Variants in NAA11 observed in about 807,000 individuals in gnomAD.
The protein encoded by NAA11 is N-alpha-acetyltransferase 11, NatA catalytic subunit, also known as N-alpha-acetyltransferase 11.
Under a neutral mutation model 16.1 loss-of-function variants are expected in NAA11, and 15 were observed. The observed-to-expected ratio is 0.93, with a 90% CI of 0.62 to 1.44. The LOEUF is 1.44. Ranked by LOEUF, NAA11 falls within the 40% of genes most tolerant of loss-of-function variation. The pLI is 0.00. For synonymous variants in NAA11, 122 were observed against 112.4 expected, an observed-to-expected ratio of 1.09 and a Z score of -0.54; for missense variants, 298 against 291.3, an observed-to-expected ratio of 1.02 and a Z score of -0.17.
At chr4:79,285,349 C>T (rs557271972) in intron 2 of NAA11, among the ~76,000 whole-genome samples, 12 of 151,952 alleles carry the variant, frequency 7.9e-5, no homozygotes, top group African/African-American at 2.4e-4. Context: ...ATGGCTTTGC[C>T]TATTGTTTAT....
At chr4:79,262,896 A>G (rs1305857920) in intron 2 of NAA11, among the ~76,000 whole-genome samples, 1 of 152,200 alleles carries the variant, frequency 6.6e-6, no homozygotes, top group African/African-American at 2.4e-5. Context: ...AGTGAGTATT[A>G]TATATCTATC....
downstream of NAA11, among the ~76,000 whole-genome samples, chr4:79,224,708 T>C (rs1443829940): frequency 2.0e-5 from 3 of 152,040 alleles, no homozygotes; most frequent in Non-Finnish European, 4.4e-5. Context: ...GTCTGAGCAA[T>C]GTATATGATA....
the NAA11 span, among the ~76,000 whole-genome samples, chr4:79,180,498 A>G: frequency 4.6e-5 from 7 of 152,236 alleles, no homozygotes; most frequent in African/African-American, 7.2e-5. Flanking sequence ...ATCACTGGCC[A>G]TCAGAGAAAT....
intron 2 of NAA11, among the ~76,000 whole-genome samples, chr4:79,260,713 G>A (rs749756302): frequency 7.2e-5 from 11 of 152,298 alleles, no homozygotes; most frequent in Non-Finnish European, 1.2e-4. Context: ...AGCTGAAATC[G>A]TGATGATGAA....
chr4:79,255,389 T>A (rs2109970403), intron 2 of NAA11, among the ~76,000 whole-genome samples: 2 of 152,318 alleles, frequency 1.3e-5, no homozygotes, highest in Middle Eastern at 3.4e-3. Context: ...ACCAGTATTT[T>A]TATTAGTATT....
At chr4:79,260,421 A>C (rs1432412485) in intron 2 of NAA11, among the ~76,000 whole-genome samples, 1 of 152,212 alleles carries the variant, frequency 6.6e-6, no homozygotes, top group Admixed American at 6.5e-5. Flanking sequence ...CAGTTTCCAG[A>C]TTATCCAAAC....
chr4:79,247,693 G>C (rs181897722), intron 2 of NAA11, among the ~76,000 whole-genome samples: 4 of 152,272 alleles, frequency 2.6e-5, no homozygotes, highest in Admixed American at 1.3e-4. Flanking sequence ...CTGGGTTGAA[G>C]GGGGAGAAAG....
chr4:79,214,521 C>T, the NAA11 span, among the ~76,000 whole-genome samples: 3 of 152,114 alleles, frequency 2.0e-5, no homozygotes, highest in Non-Finnish European at 2.9e-5. Flanking sequence ...AGTTCAGGAT[C>T]GGGCTCCGTG....
chr4:79,238,852 T>G (rs1721629192), intron 2 of NAA11, among the ~76,000 whole-genome samples: 1 of 152,190 alleles, frequency 6.6e-6, no homozygotes, highest in Non-Finnish European at 1.5e-5. Context: ...CTCTTGTAGT[T>G]CTCTTGGTCA....
the NAA11 span, among the ~76,000 whole-genome samples, chr4:79,182,715 T>C: frequency 3.3e-5 from 5 of 152,112 alleles, no homozygotes; most frequent in African/African-American, 1.2e-4. Context: ...GAAAGAATAA[T>C]AAAATGCTTC....
At chr4:79,279,913 CAG>C (rs1389079711) in intron 2 of NAA11, among the ~76,000 whole-genome samples, 1 of 151,980 alleles carries the variant, frequency 6.6e-6, no homozygotes, top group African/African-American at 2.4e-5. Context: ...ACTTGAAGAA[CAG>C]AGCAGAAATA....
In NAA11 at chr4:79,325,214, A is replaced by G. The variant is rs377126580; in HGVS notation, c.664T>C (p.Ser222Pro). 5.8e-5 allele frequency: 94 copies of G among 1,612,068 alleles called. No individual in the cohort carries two copies. In the African/African-American group the frequency reaches 1.1e-3, roughly 20 times the overall value. Reference protein sequence around the residue: ...SVESTNVQDSSESSDSTS With the variant: ...SVESTNVQDSPESSDSTS ...TAGGAGGTGGAATCCGAGCTTTCTG[A>G]GCTGTCCTGGACGTTGGTGCTCTCC... is the stretch of plus-strand genomic sequence containing the variant. Residue 222 changes from serine (S) to proline (P), a missense_variant, in exon 1 of 2, where the codon TCA (serine) becomes CCA (proline). Transcript: ENST00000286794.
chr4:79,254,225 A>G (rs1005847336), intron 2 of NAA11, among the ~76,000 whole-genome samples: 2 of 152,264 alleles, frequency 1.3e-5, no homozygotes, highest in African/African-American at 4.8e-5. Flanking sequence ...TCGCATGTCC[A>G]TCACAAAGGG....
chr4:79,213,273 A>G, the NAA11 span, among the ~76,000 whole-genome samples: 1 of 152,196 alleles, frequency 6.6e-6, no homozygotes. Context: ...TGAAATATTA[A>G]TATGTACAGG....
intron 1 of NAA11, chr4:79,308,697 T>A (rs1056256780): frequency 6.6e-6 from 1 of 152,184 alleles, no homozygotes; most frequent in Non-Finnish European, 1.5e-5. Context: ...CCTCTTGAGG[T>A]TCCCCCAATC....
the NAA11 span, among the ~76,000 whole-genome samples, chr4:79,159,443 G>T: frequency 6.6e-6 from 1 of 152,146 alleles, no homozygotes; most frequent in Admixed American, 6.5e-5. Flanking sequence ...AATAGAGTTG[G>T]CTTGGATGCA....
chr4:79,179,196 TTTTTGTTTTG>T, the NAA11 span, among the ~76,000 whole-genome samples: 7 of 152,180 alleles, frequency 4.6e-5, no homozygotes, highest in African/African-American at 1.4e-4. Flanking sequence ...ATATTCTTGT[TTTTTGTTTTG>T]TTTTGTTTTG....
chr4:79,244,350 C>G lies in NAA11; in HGVS notation c.*123-18080G>C, dbSNP rs1721757787. ...TCCAGTAATACTAAGCCATAGGCAT[C>G]AGTATGTCTGTTAACTGAATGAAAG... On this transcript the variant is annotated intron_variant and NMD_transcript_variant, in intron 2 of 2. Coordinates refer to the NAA11 transcript ENST00000511542. Among the ~76,000 whole-genome samples, 3 of 152,074 alleles carry G rather than the reference C, an allele frequency of 2.0e-5. No homozygotes were observed. The South Asian group carries it at 6.2e-4, about 32-fold the overall frequency.
chr4:79,252,141 A>T (rs2109968599), intron 2 of NAA11, among the ~76,000 whole-genome samples: 1 of 152,354 alleles, frequency 6.6e-6, no homozygotes, highest in South Asian at 2.1e-4. Context: ...AATGGGTTGC[A>T]TGAACTGAGA....
Sources: allele counts gnomAD v4.1 joint callset (sites outside exome capture counted in the v4.1 genomes callset), GRCh38; gene constraint gnomAD v4.1.1; transcripts MANE v1.5; gene names NCBI Gene and HGNC (gene_info 2026-07-23, HGNC 2026-07-21).